Variants in CACNA1C observed in about 807,000 individuals in gnomAD.
CACNA1C encodes the protein calcium voltage-gated channel subunit alpha1 C, also known as voltage-dependent L-type calcium channel subunit alpha-1C.
CACNA1C carries 30 observed loss-of-function variants against 229.0 expected under a neutral mutation model. That is an observed-to-expected ratio of 0.13 (90% CI 0.10 to 0.18). The LOEUF is 0.18. Ranked by LOEUF, CACNA1C falls within the 10% of genes least tolerant of loss-of-function variation. The pLI, the probability that CACNA1C is intolerant of heterozygous loss-of-function variation, is 1.00. For missense variants in CACNA1C, 1,658 were observed against 2,845.0 expected (o/e 0.58, Z 9.49); for synonymous variants, 1,114 against 1,132.5 (o/e 0.98, Z 0.33).
intron 10 of CACNA1C, chr12:2,550,675 T>G: frequency 7.5e-7 from 1 of 1,341,140 alleles, no homozygotes; most frequent in Non-Finnish European, 9.8e-7. Flanking sequence ...TACAATGCAT[T>G]TCTGAATTGC....
intron 3 of CACNA1C, among the ~76,000 whole-genome samples, chr12:2,259,431 C>A (rs1355262030): frequency 6.6e-6 from 1 of 152,152 alleles, no homozygotes; most frequent in Admixed American, 6.5e-5. Context: ...AAATTAATGT[C>A]TTTATCAAAA....
Position 2,064,958 on chromosome 12 carries a change from T to C in CACNA1C, c.49+11347T>C, listed in dbSNP as rs1336414685. On this transcript the variant is annotated intron_variant, in intron 1 of 46. Coordinates refer to ENST00000399655, the MANE Select transcript of CACNA1C (RefSeq NM_000719.7). ...AAGCGCACAGGCTCATGGAGGTATG[T>C]GAAGCTCAGAAGACTTTGCACTTTG... Among the ~76,000 whole-genome samples the C allele has an allele frequency of 4.6e-5, 7 of 152,216 alleles. No homozygotes were observed. The East Asian group carries it at 1.3e-3, about 29-fold the overall frequency.
At chr12:2,096,963 T>A (rs2074279539) in intron 1 of CACNA1C, among the ~76,000 whole-genome samples, 1 of 152,210 alleles carries the variant, frequency 6.6e-6, no homozygotes, top group Admixed American at 6.5e-5. Flanking sequence ...CCACACTATG[T>A]TTGCCCATCC....
rs372514951 is a variant in CACNA1C, at chr12:2,462,943, T to C, written c.757+5237T>C. ...TTTTTTTTTTTTTGAGACGGAGTCT[T>C]GCTCTGTCGCCCAGGCTGGAGTGCA... is the stretch of plus-strand genomic sequence containing the variant. On this transcript the variant is annotated intron_variant, in intron 5 of 46. Coordinates refer to ENST00000399655, the MANE Select transcript of CACNA1C (RefSeq NM_000719.7). Among the ~76,000 whole-genome samples the C allele has an allele frequency of 8.6e-3, 1,279 of 148,850 alleles. 13 individuals carry two copies. Among genetic ancestry groups the C allele is most frequent in the Middle Eastern group, 0.014 (4 of 288 alleles).
chr12:2,608,383 C>G lies in CACNA1C; in HGVS notation c.3357-128C>G. 1 of 640,532 alleles carries G rather than the reference C, an allele frequency of 1.6e-6. No homozygotes were observed. The highest frequency in any genetic ancestry group is 2.6e-6 in the Non-Finnish European group (1 of 380,076). 39.7% of individuals were successfully genotyped at this position (640,532 alleles called of 1,614,324 possible). ...GTCACACAGCCAGTAAGAGGCCGAG[C>G]TGGGACTCCAGCCCAGAGCTGTCTC... On this transcript the variant is annotated intron_variant, in intron 26 of 46. Transcript: ENST00000399655. This position sits in a 1 kb window ranked among gnomAD's most constrained non-coding sequence, Gnocchi z 4.2.
chr12:2,456,252 C>G (rs1434664424), intron 4 of CACNA1C, among the ~76,000 whole-genome samples: 1 of 152,212 alleles, frequency 6.6e-6, no homozygotes, highest in Non-Finnish European at 1.5e-5. Context: ...TGGTATCTAA[C>G]TTTTCCTCAC....
At chr12:2,427,503 A>T (rs1222093253) in intron 3 of CACNA1C, among the ~76,000 whole-genome samples, 2 of 139,476 alleles carry the variant, frequency 1.4e-5, no homozygotes. Flanking sequence ...GAATTCCCAG[A>T]AGGAAGAAAT....
chr12:1,971,228 A>C lies in CACNA1C; in HGVS notation c.139+27A>C. The stretch of plus-strand genomic sequence containing the variant: ...TAAGAAACCCTAAAGTGAAATAAAG[A>C]GTAGGAAGAACATGTTGAAATTTAC... On this transcript the variant is annotated intron_variant, in intron 1 of 46. Coordinates refer to the CACNA1C transcript ENST00000682462. This position sits in a 1 kb window ranked among gnomAD's most constrained non-coding sequence, Gnocchi z 4.2. 2.4e-6 allele frequency: 3 copies of C among 1,242,764 alleles called. No homozygotes were observed. Among genetic ancestry groups the C allele is most frequent in the Non-Finnish European group, 3.2e-6 (3 of 947,502 alleles). The allele number at this position is 1,242,764 out of a possible 1,614,324, so 77.0% of individuals were successfully genotyped here. A position where few individuals can be genotyped will look rare whatever the true frequency, so the allele number is the denominator to read the frequency against.
chr12:2,364,527 G>C (rs1007914741), intron 3 of CACNA1C, among the ~76,000 whole-genome samples: 1 of 152,094 alleles, frequency 6.6e-6, no homozygotes, highest in Non-Finnish European at 1.5e-5. Flanking sequence ...TCTTAATACC[G>C]TTCAGAAAAT....
At chr12:2,243,116 GCTTA>G (rs758898625) in intron 3 of CACNA1C, among the ~76,000 whole-genome samples, 11 of 152,246 alleles carry the variant, frequency 7.2e-5, no homozygotes, top group Non-Finnish European at 1.2e-4. Flanking sequence ...GGAGTAAGGA[GCTTA>G]CTTATATGGG....
At chr12:2,004,083 A>C (rs999959264) in intron 1 of CACNA1C, 2 of 700,346 alleles carry the variant, frequency 2.9e-6, no homozygotes, top group Non-Finnish European at 4.7e-6. Flanking sequence ...CCCCAACTCC[A>C]GGTAGCTCCA....
chr12:2,663,021 T>C (rs757969969), intron 34 of CACNA1C, among the ~76,000 whole-genome samples: 7 of 152,220 alleles, frequency 4.6e-5, no homozygotes, highest in Non-Finnish European at 1.0e-4. Context: ...AACAAAACTT[T>C]AGAACCTTTA....
At chr12:2,222,026 G>T (rs2190771) in intron 3 of CACNA1C, among the ~76,000 whole-genome samples, 54,410 of 152,022 alleles carry the variant, frequency 0.36, 10,212 homozygotes, top group African/African-American at 0.44. Flanking sequence ...CTATACCCTG[G>T]AAGGTATAAT....
chr12:1,972,384 G>A (rs999751879), intron 1 of CACNA1C, among the ~76,000 whole-genome samples: 1 of 152,160 alleles, frequency 6.6e-6, no homozygotes, highest in Non-Finnish European at 1.5e-5. Context: ...TCTAGATCAA[G>A]CTTTAATAAA....
chr12:1,975,283 T>G (rs1266430418), intron 1 of CACNA1C, among the ~76,000 whole-genome samples: 2 of 152,186 alleles, frequency 1.3e-5, no homozygotes, highest in African/African-American at 4.8e-5. Flanking sequence ...ATAAGGTAAT[T>G]CTAATACAAG....
intron 3 of CACNA1C, among the ~76,000 whole-genome samples, chr12:2,198,933 C>A (rs1052195786): frequency 3.3e-5 from 5 of 152,136 alleles, no homozygotes; most frequent in African/African-American, 1.2e-4. Flanking sequence ...ACTTTTCCTG[C>A]AGTAAATATT....
intron 3 of CACNA1C, among the ~76,000 whole-genome samples, chr12:2,370,634 G>A (rs73607716): frequency 0.013 from 1,952 of 152,230 alleles, 46 homozygotes; most frequent in African/African-American, 0.042. Flanking sequence ...TCACATTTTT[G>A]TACAGTATAA....
intron 3 of CACNA1C, among the ~76,000 whole-genome samples, chr12:2,347,393 C>A (rs187990748): frequency 6.6e-6 from 1 of 152,328 alleles, no homozygotes; most frequent in Admixed American, 6.5e-5. Context: ...TCATTTCATG[C>A]TGCTGACAAC....
intron 29 of CACNA1C, among the ~76,000 whole-genome samples, chr12:2,626,250 G>T (rs910598966): frequency 1.3e-5 from 2 of 152,194 alleles, no homozygotes; most frequent in Non-Finnish European, 2.9e-5. Context: ...AGGAGCACTC[G>T]CCCACTAGGT....
Sources: allele counts gnomAD v4.1 joint callset (sites outside exome capture counted in the v4.1 genomes callset), GRCh38; gene constraint gnomAD v4.1.1; non-coding constraint Gnocchi (gnomAD v3.1); transcripts MANE v1.5; gene names NCBI Gene and HGNC (gene_info 2026-07-23, HGNC 2026-07-21).